COL22A1: variants seen among roughly 807,000 people sequenced by gnomAD.
COL22A1 encodes the protein collagen alpha-1(XXII) chain.
Under a neutral mutation model 248.9 loss-of-function variants are expected in COL22A1, and 221 were observed. The observed-to-expected ratio is 0.89, with a 90% confidence interval of 0.80 to 0.99. The LOEUF (loss-of-function observed/expected upper bound fraction) is 0.99, where lower values mean the gene tolerates loss of function less well. Among genes scored for constraint, COL22A1 ranks in the 50% least tolerant of loss-of-function variants. COL22A1 has a pLI of 0.00. For missense variants in COL22A1, 2,240 were observed against 2,179.0 expected (o/e 1.03, Z -0.56); for synonymous variants, 891 against 793.4 (o/e 1.12, Z -2.07).
At chr8:138,787,918 CAAGT>C (rs1281431513) in intron 12 of COL22A1, among the ~76,000 whole-genome samples, 1 of 152,208 alleles carries the variant, frequency 6.6e-6, no homozygotes, top group Non-Finnish European at 1.5e-5. Flanking sequence ...TTTACCTCAT[CAAGT>C]AAGACACAGA....
intron 1 of COL22A1, among the ~76,000 whole-genome samples, chr8:138,899,966 A>G (rs1814419839): frequency 6.6e-6 from 1 of 152,230 alleles, no homozygotes; most frequent in South Asian, 2.1e-4. Context: ...GGTACCAGAT[A>G]TGGCGAAGGT....
In COL22A1 at chr8:138,833,137, C is replaced by G. The variant is rs1450737729; in HGVS notation, c.747G>C (p.Met249Ile). The stretch of plus-strand genomic sequence containing the variant: ...AGATTTCCTTCACACTGAACAAATC[C>G]ATCAGGTCAAAACCTGTACAAAGAG... The part of the protein sequence containing the change: ...GTKEITGFDL[M>I]DLFSVKEILG... The change falls in exon 5 of 65, where the codon ATG becomes ATC. Residue 249 changes from methionine (M) to isoleucine (I), a missense_variant. Transcript: ENST00000303045. The G allele has an allele frequency of 8.7e-6, 14 of 1,611,910 alleles. No homozygotes were observed. The highest frequency in any genetic ancestry group is 1.1e-5 in the Non-Finnish European group (13 of 1,178,024).
intron 56 of COL22A1, among the ~76,000 whole-genome samples, chr8:138,611,419 T>G (rs923421668): frequency 1.3e-5 from 2 of 152,160 alleles, no homozygotes; most frequent in African/African-American, 2.4e-5. Flanking sequence ...AACTCCAGAA[T>G]TGGATGCAAA....
At chr8:138,692,768 C>T (rs2130921836) in intron 35 of COL22A1, among the ~76,000 whole-genome samples, 1 of 152,178 alleles carries the variant, frequency 6.6e-6, no homozygotes, top group Non-Finnish European at 1.5e-5. Context: ...TGCCTACACT[C>T]TGCTTCCATT....
chr8:138,687,420 A>G (rs1010727927), intron 37 of COL22A1, among the ~76,000 whole-genome samples: 1 of 152,240 alleles, frequency 6.6e-6, no homozygotes, highest in African/African-American at 2.4e-5. Context: ...CCTCGTGTTA[A>G]ATTATGCAAA....
intron 2 of COL22A1, among the ~76,000 whole-genome samples, chr8:138,882,076 G>A (rs1298507777): frequency 1.3e-5 from 2 of 152,018 alleles, no homozygotes; most frequent in Non-Finnish European, 1.5e-5. Flanking sequence ...CATTTCCCCT[G>A]GAATGTGTCC....
At chr8:138,726,999 C>T (rs1264016106) in intron 23 of COL22A1, among the ~76,000 whole-genome samples, 1 of 152,174 alleles carries the variant, frequency 6.6e-6, no homozygotes, top group Non-Finnish European at 1.5e-5. Context: ...GCTGGAATCA[C>T]ACAACACCAG....
chr8:138,660,847 CACACATACACAG>C (rs1823787682), intron 43 of COL22A1, among the ~76,000 whole-genome samples: 1 of 145,402 alleles, frequency 6.9e-6, no homozygotes, highest in Non-Finnish European at 1.5e-5. Flanking sequence ...CAGACACACA[CACACATACACAG>C]ACACACAAAC....
rs544529556 is a variant in COL22A1 at position 138,868,052 on chromosome 8, C to T, written c.658+9698G>A. Reference sequence around the variant, plus strand: ...TGCTGGGATTACAGGCATGAGCCACCGCACCCGGCCTATTGTCTTTATTTT... The same window carrying T: ...TGCTGGGATTACAGGCATGAGCCACTGCACCCGGCCTATTGTCTTTATTTT... On this transcript the variant is annotated intron_variant, in intron 3 of 64. Transcript: ENST00000303045. Among the ~76,000 whole-genome samples the T allele has an allele frequency of 1.6e-4, 24 of 152,260 alleles. No homozygotes were observed. The East Asian group carries it at 2.9e-3, about 18-fold the overall frequency.
intron 16 of COL22A1, among the ~76,000 whole-genome samples, chr8:138,773,343 G>A (rs1463138210): frequency 1.3e-5 from 2 of 152,184 alleles, no homozygotes; most frequent in Non-Finnish European, 1.5e-5. Context: ...ATTTGGTTCT[G>A]ATGACCAAGG....
At chr8:138,777,437 C>T (rs1394944006) in intron 15 of COL22A1, among the ~76,000 whole-genome samples, 1 of 152,168 alleles carries the variant, frequency 6.6e-6, no homozygotes. Flanking sequence ...TTGAAAATGA[C>T]ATTTTACACT....
Position 138,807,679 on chromosome 8 carries a change from T to A in COL22A1, c.1494+89A>T, listed in dbSNP as rs1165433409. ...GAGGCAAAATATTAGCAAGGCAGCA[T>A]CCCCACACACCATCTTTTGTCTTAT... On this transcript the variant is annotated intron_variant, in intron 10 of 64. Transcript: ENST00000303045. 7.4e-6 allele frequency: 9 copies of A among 1,221,890 alleles called. No homozygotes were observed. In the Admixed American group the frequency reaches 1.9e-4, roughly 26 times the overall value. The allele number at this position is 1,221,890 out of a possible 1,614,324, so 75.7% of individuals were successfully genotyped here.
chr8:138,900,449 C>A (rs1169555549), intron 1 of COL22A1, among the ~76,000 whole-genome samples: 1 of 152,218 alleles, frequency 6.6e-6, no homozygotes, highest in African/African-American at 2.4e-5. Flanking sequence ...AAAAGTGAGA[C>A]CTGTTTTCCG....
intron 3 of COL22A1, among the ~76,000 whole-genome samples, chr8:138,861,288 G>A (rs947988036): frequency 3.9e-5 from 6 of 152,224 alleles, no homozygotes; most frequent in African/African-American, 1.4e-4. Flanking sequence ...AAGCTCATGG[G>A]ATCTGGCTTT....
intron 4 of COL22A1, among the ~76,000 whole-genome samples, chr8:138,836,410 T>G (rs1214731143): frequency 6.6e-6 from 1 of 152,240 alleles, no homozygotes; most frequent in Non-Finnish European, 1.5e-5. Flanking sequence ...ACATTCTGAC[T>G]CTACTATTAG....
intron 16 of COL22A1, among the ~76,000 whole-genome samples, chr8:138,773,121 G>A (rs1200538156): frequency 6.6e-6 from 1 of 152,198 alleles, no homozygotes; most frequent in African/African-American, 2.4e-5. Context: ...AGTGCTGTGT[G>A]ACTTACACCC....
chr8:138,831,659 C>T (rs576254846), intron 5 of COL22A1, among the ~76,000 whole-genome samples: 2 of 152,084 alleles, frequency 1.3e-5, no homozygotes, highest in African/African-American at 4.8e-5. Flanking sequence ...CCTGGGAGGA[C>T]CTAGAACAGA....
chr8:138,805,424 ATGG>A (rs1817451095), intron 10 of COL22A1, among the ~76,000 whole-genome samples: 1 of 92,486 alleles, frequency 1.1e-5, no homozygotes, highest in Non-Finnish European at 2.0e-5. Flanking sequence ...AAGGTTGTGT[ATGG>A]TGGTGTGGGA....
At chr8:138,625,634 G>T (rs1398438055) in intron 51 of COL22A1, among the ~76,000 whole-genome samples, 1 of 152,180 alleles carries the variant, frequency 6.6e-6, no homozygotes, top group African/African-American at 2.4e-5. Flanking sequence ...CATTTTGGAG[G>T]ATCATCATAA....
Sources: allele counts gnomAD v4.1 joint callset (sites outside exome capture counted in the v4.1 genomes callset), GRCh38; gene constraint gnomAD v4.1.1; transcripts MANE v1.5; gene names NCBI Gene and HGNC (gene_info 2026-07-23, HGNC 2026-07-21).